MYO7A: variants seen among roughly 807,000 people sequenced by gnomAD.
MYO7A encodes unconventional myosin-VIIa.
In MYO7A, 210 loss-of-function variants were observed where a neutral mutation model predicts 263.8. The observed-to-expected ratio is 0.80, with a 90% CI of 0.71 to 0.89. MYO7A has a LOEUF of 0.89. MYO7A is among the 40% of genes least tolerant of loss of function. The pLI is 0.00. For synonymous variants in MYO7A, 1,239 were observed against 1,197.3 expected, an observed-to-expected ratio of 1.03 and a Z score of -0.72; for missense variants, 2,820 against 2,968.3, an observed-to-expected ratio of 0.95 and a Z score of 1.16.
chr11:77,182,230 C>T (rs1257188488), intron 24 of MYO7A, 76 bp downstream of exon 24: 5 of 1,564,472 alleles, frequency 3.2e-6, no homozygotes, highest in Non-Finnish European at 4.4e-6. Context: ...CTGGTGGTGG[C>T]CGTAGGTGAT....
intron 15 of MYO7A, among the ~76,000 whole-genome samples, chr11:77,167,707 A>G (rs115453234): frequency 0.013 from 2,044 of 151,950 alleles, 45 homozygotes; most frequent in African/African-American, 0.045. Flanking sequence ...ACATCCTTCC[A>G]CTTTGGCCTG....
In MYO7A at chr11:77,162,154, C is replaced by A; in HGVS notation, c.1378C>A (p.His460Asn). The change falls in exon 13 of 49, where the codon CAC becomes AAC. Residue 460 changes from histidine (H) to asparagine (N), a missense_variant. Transcript: ENST00000409709. ...GCTCTGCATCAACTTCGCCAATGAG[C>A]ACCTGCAGCAGTTCTTTGTGCGGCA... ...EQLCINFANE[H>N]LQQFFVRHVF... is the part of the protein sequence containing the mutation. 6.2e-7 allele frequency: 1 copy of A among 1,603,832 alleles called. No homozygotes were observed. Among genetic ancestry groups the A allele is most frequent in the Non-Finnish European group, 8.5e-7 (1 of 1,175,326 alleles).
In MYO7A at chr11:77,192,945, AGGTAGT is replaced by A. The variant is rs1365971143; in HGVS notation, c.4152+669_4152+674del. ...GTGATGGTGTTGTTTGTGATGGTGG[AGGTAGT>A]GATGGTGTTGGTGATGGTGGAGGTA... On this transcript the variant is annotated intron_variant, in intron 31 of 48. Coordinates refer to ENST00000409709, the MANE Select transcript of MYO7A (RefSeq NM_000260.4). Among the ~76,000 whole-genome samples the A allele has an allele frequency of 6.4e-4, 6 of 9,384 alleles. 3 individuals carry two copies. Among genetic ancestry groups the A allele is most frequent in the African/African-American group, 3.0e-3 (6 of 2,022 alleles). The allele number at this position is 9,384 out of a possible 152,430, so 6.2% of individuals were successfully genotyped here. A position where few individuals can be genotyped will look rare whatever the true frequency, so the allele number is the denominator to read the frequency against.
intron 34 of MYO7A, among the ~76,000 whole-genome samples, chr11:77,199,072 G>A (rs1382350173): frequency 6.6e-6 from 1 of 152,220 alleles, no homozygotes; most frequent in Non-Finnish European, 1.5e-5. Context: ...GGATTGACTG[G>A]CTTTCCCAGC....
At chr11:77,177,478 C>T in intron 18 of MYO7A, 71 bp from the exon 19 acceptor site, 1 of 1,195,612 alleles carries the variant, frequency 8.4e-7, no homozygotes, top group South Asian at 1.3e-5. Context: ...GAAGAGCAGC[C>T]CCCACTGGGA....
At chr11:77,159,733 C>G (rs1555067116) in intron 10 of MYO7A, among the ~76,000 whole-genome samples, 1 of 152,146 alleles carries the variant, frequency 6.6e-6, no homozygotes, top group African/African-American at 2.4e-5. Context: ...CAGGTGGGGG[C>G]CCTGTGATGC....
chr11:77,152,491 C>G (rs1555057707), intron 4 of MYO7A, among the ~76,000 whole-genome samples: 1 of 152,220 alleles, frequency 6.6e-6, no homozygotes, highest in Admixed American at 6.5e-5. Flanking sequence ...TTACTTCTCC[C>G]TCCTCCCACC....
At chr11:77,199,425 G>A in intron 34 of MYO7A, 110 bp from the exon 35 acceptor site, 2 of 1,228,038 alleles carry the variant, frequency 1.6e-6, no homozygotes, top group Non-Finnish European at 2.2e-6. Flanking sequence ...TCTGGGCCAT[G>A]CCTGACTCTG....
rs111033433 is a variant in MYO7A at position 77,183,108 on chromosome 11, AC to A, written c.3327del (p.His1109GlnfsTer6). 2 of 1,552,204 alleles carry A rather than the reference AC, an allele frequency of 1.3e-6. No homozygotes were observed. Among genetic ancestry groups the A allele is most frequent in the Non-Finnish European group, 1.7e-6 (2 of 1,147,610 alleles). ...GGCCAGAAGAAGAGCAGTGTGAGGC[AC>A]AAGCTGGTGCATTTGACTCTGAAAA... is the stretch of plus-strand genomic sequence containing the variant. ...PEGQKKSSVR[H>X]KLVHLTLKKK... On this transcript the variant is annotated frameshift_variant, in exon 26 of 49. Transcript: ENST00000409709. LOFTEE classifies it high-confidence loss of function.
At chr11:77,206,241 C>T in intron 41 of MYO7A, 39 bp downstream of exon 41, 1 of 1,502,090 alleles carries the variant, frequency 6.7e-7, no homozygotes, top group Non-Finnish European at 9.1e-7. Context: ...GTGCCCAGGA[C>T]AGGGCCGGGC....
chr11:77,161,880 C>T (rs189587787), intron 12 of MYO7A, among the ~76,000 whole-genome samples: 32 of 152,296 alleles, frequency 2.1e-4, no homozygotes, highest in Non-Finnish European at 3.8e-4. Flanking sequence ...CCTGAAAAGC[C>T]TTAGCTCTCC....
intron 2 of MYO7A, among the ~76,000 whole-genome samples, chr11:77,135,478 A>G (rs1425597705): frequency 6.6e-6 from 1 of 152,230 alleles, no homozygotes; most frequent in African/African-American, 2.4e-5. Flanking sequence ...CTATTGAGGA[A>G]CACTTGGGTT....
chr11:77,168,673 T>C (rs1280149304), intron 15 of MYO7A, among the ~76,000 whole-genome samples: 1 of 152,150 alleles, frequency 6.6e-6, no homozygotes, highest in Non-Finnish European at 1.5e-5. Flanking sequence ...TGAGCACTTG[T>C]AGTCACAGCT....
chr11:77,153,241 G>A (rs1555058284), intron 4 of MYO7A, among the ~76,000 whole-genome samples: 2 of 152,114 alleles, frequency 1.3e-5, no homozygotes, highest in South Asian at 4.1e-4. Flanking sequence ...GATGGAGAGT[G>A]GGAGTGGTGT....
intron 2 of MYO7A, among the ~76,000 whole-genome samples, chr11:77,135,997 A>G (rs1950893106): frequency 6.6e-6 from 1 of 152,142 alleles, no homozygotes; most frequent in Admixed American, 6.5e-5. Flanking sequence ...ACTCCTGCCT[A>G]TGCCCACTTT....
chr11:77,134,546 C>T (rs1950857319), intron 2 of MYO7A, among the ~76,000 whole-genome samples: 1 of 151,914 alleles, frequency 6.6e-6, no homozygotes, highest in African/African-American at 2.4e-5. Flanking sequence ...TGGTATACTA[C>T]AGCTTTGAAC....
chr11:77,146,740 C>G (rs970617983), intron 3 of MYO7A, among the ~76,000 whole-genome samples: 9 of 152,004 alleles, frequency 5.9e-5, no homozygotes, highest in Non-Finnish European at 8.8e-5. Context: ...CCTTTCCCCC[C>G]AGAAGGCAGG....
chr11:77,188,637 G>A (rs1263353779), intron 27 of MYO7A, among the ~76,000 whole-genome samples: 1 of 151,678 alleles, frequency 6.6e-6, no homozygotes. Context: ...AGCAATAATT[G>A]CAGCTGGCAT....
Position 77,201,768 on chromosome 11 carries a change from C to T in MYO7A, c.5043+130C>T, listed in dbSNP as rs893769966. 13 of 1,111,458 alleles carry T rather than the reference C, an allele frequency of 1.2e-5. No individual in the cohort carries two copies. The South Asian group carries it at 1.5e-4, about 12-fold the overall frequency. 68.8% of individuals were successfully genotyped at this position (1,111,458 alleles called of 1,614,324 possible). A position where few individuals can be genotyped will look rare whatever the true frequency, so the allele number is the denominator to read the frequency against. On this transcript the variant is annotated intron_variant, in intron 36 of 48. Coordinates refer to ENST00000409709, the MANE Select transcript of MYO7A (RefSeq NM_000260.4). ...GATGATCTTGGGATCTTATGGGACA[C>T]ACATTTAAAGTTGGGGCAGTGCTCA...
Sources: allele counts gnomAD v4.1 joint callset (sites outside exome capture counted in the v4.1 genomes callset), GRCh38; gene constraint gnomAD v4.1.1; transcripts MANE v1.5; gene names NCBI Gene and HGNC (gene_info 2026-07-23, HGNC 2026-07-21).